The following NACC1 variants were observed in gnomAD, a reference collection of about 807,000 sequenced individuals.
NACC1 encodes nucleus accumbens-associated protein 1.
In NACC1, 6 loss-of-function variants were observed where a neutral mutation model predicts 41.7. The ratio of observed to expected loss-of-function variants is 0.14; its 90% CI spans 0.08 to 0.28. NACC1 has a LOEUF of 0.28. Ranked by LOEUF, NACC1 falls within the 10% of genes least tolerant of loss-of-function variation. The probability of loss-of-function intolerance (pLI) is 1.00; values close to 1 mark genes in which losing one functional copy is unlikely to be tolerated. For missense variants in NACC1, 434 were observed against 763.7 expected, an observed-to-expected ratio of 0.57 and a Z score of 5.09; for synonymous variants, 338 against 330.6, an observed-to-expected ratio of 1.02 and a Z score of -0.24.
intron 1 of NACC1, among the ~76,000 whole-genome samples, chr19:13,131,143 C>T (rs1568384373): frequency 1.3e-5 from 2 of 152,204 alleles, no homozygotes; most frequent in African/African-American, 4.8e-5. Flanking sequence ...CCTCACTAGA[C>T]AGCTCCACAT....
intron 1 of NACC1, among the ~76,000 whole-genome samples, chr19:13,120,380 G>T (rs2019473806): frequency 6.6e-6 from 1 of 152,214 alleles, no homozygotes; most frequent in African/African-American, 2.4e-5. Context: ...CTAATTGCAA[G>T]GCTGTTACCA....
At chr19:13,122,591 C>T (rs967287396) in intron 1 of NACC1, among the ~76,000 whole-genome samples, 1 of 148,588 alleles carries the variant, frequency 6.7e-6, no homozygotes, top group Admixed American at 6.9e-5. Context: ...CAACATCAGA[C>T]AGTGTGTAGG....
At position 13,138,259 on chromosome 19, in the gene NACC1, C is replaced by A. The variant is rs1297633831; in HGVS notation, c.1437C>A (p.Val479=). The change falls in exon 6 of 6, where the codon GTC becomes GTA. Residue 479 remains valine, a synonymous_variant. Coordinates refer to ENST00000292431, the MANE Select transcript of NACC1 (RefSeq NM_052876.4). This position sits in a 1 kb window ranked among gnomAD's most constrained non-coding sequence, Gnocchi z 5.7. ...RVVRKSWMPK[V]KVLKAEDDAY... ...TGCGCAAGAGCTGGATGCCCAAGGT[C>A]AAGGTGCTCAAGGCTGAGGATGACG... 1 of 1,614,224 alleles carries A rather than the reference C, an allele frequency of 6.2e-7. No homozygotes were observed. The highest frequency in any genetic ancestry group is 2.2e-5 in the East Asian group (1 of 44,884).
intron 1 of NACC1, among the ~76,000 whole-genome samples, chr19:13,121,187 TA>T (rs2145610140): frequency 6.6e-6 from 1 of 152,156 alleles, no homozygotes; most frequent in East Asian, 1.9e-4. Context: ...TAATGTTAGC[TA>T]AGGGGTGGGT....
intron 1 of NACC1, among the ~76,000 whole-genome samples, chr19:13,129,250 G>A (rs2019601135): frequency 1.3e-5 from 2 of 152,134 alleles, no homozygotes; most frequent in South Asian, 2.1e-4. Flanking sequence ...ACCATTAGGT[G>A]GTTTAGAGAC....
intron 1 of NACC1, among the ~76,000 whole-genome samples, chr19:13,121,178 AATG>A (rs2019486672): frequency 6.6e-6 from 1 of 152,134 alleles, no homozygotes; most frequent in Non-Finnish European, 1.5e-5. Flanking sequence ...TCTGAATAAT[AATG>A]TTAGCTAAGG....
At chr19:13,128,922 C>T (rs1051984390) in intron 1 of NACC1, among the ~76,000 whole-genome samples, 1 of 152,238 alleles carries the variant, frequency 6.6e-6, no homozygotes, top group Non-Finnish European at 1.5e-5. Flanking sequence ...CTGTGGCCTC[C>T]TGCCCTTGTC....
Position 13,138,205 on chromosome 19 carries a change from C to A in NACC1, c.1383C>A (p.Ala461=). The A allele has an allele frequency of 1.2e-6, 2 of 1,614,174 alleles. No individual in the cohort carries two copies. Among genetic ancestry groups the A allele is most frequent in the South Asian group, 1.1e-5 (1 of 91,084 alleles). ...AGAGCGAGATGAATGCCATCGCGGC[C>A]GACATGTGCACCAACGCCCGCCGCG... ...FKESEMNAIA[A]DMCTNARRVV... The change falls in exon 6 of 6, where the codon GCC becomes GCA. Residue 461 remains alanine (A), a synonymous_variant. Coordinates refer to ENST00000292431, the MANE Select transcript of NACC1 (RefSeq NM_052876.4). This position sits in a 1 kb window ranked among gnomAD's most constrained non-coding sequence, Gnocchi z 5.7.
chr19:13,121,006 C>T (rs1487659550), intron 1 of NACC1, among the ~76,000 whole-genome samples: 1 of 152,202 alleles, frequency 6.6e-6, no homozygotes, highest in African/African-American at 2.4e-5. Flanking sequence ...AGATCCAGAG[C>T]AGCTAGCTCT....
Position 13,136,285 on chromosome 19 carries a change from A to T in NACC1, c.1000A>T (p.Ile334Phe), listed in dbSNP as rs1330937800. 1.9e-6 allele frequency: 3 copies of T among 1,613,994 alleles called. No individual in the cohort carries two copies. The highest frequency in any genetic ancestry group is 2.5e-6 in the Non-Finnish European group (3 of 1,179,980). The change falls in exon 3 of 6, where the codon ATC becomes TTC. Residue 334 changes from isoleucine to phenylalanine, a missense_variant. By Grantham distance (21) the Ile-to-Phe change is conservative (BLOSUM62 0). Coordinates refer to ENST00000292431, the MANE Select transcript of NACC1 (RefSeq NM_052876.4). The surrounding 1 kb of genome is among the most constrained non-coding windows in gnomAD (Gnocchi z 5.5). ...GGTAGCCCCCGAGTCCCGAAATCGC[A>T]TCCGGGTTCGGCAAGACCTGGCGTC... Reference protein sequence around the residue: ...EQVAPESRNRIRVRQDLASLP... With the variant: ...EQVAPESRNRFRVRQDLASLP...
intron 1 of NACC1, chr19:13,132,403 T>A (rs1479980204): frequency 7.5e-6 from 1 of 134,060 alleles, no homozygotes; most frequent in East Asian, 2.1e-4. Context: ...AGCAAGACTC[T>A]GTCTTAAAAA....
In NACC1 at chr19:13,125,397, C is replaced by T. The variant is rs79518737; in HGVS notation, c.-9+6943C>T. Among the ~76,000 whole-genome samples, 516 of 147,486 alleles carry T rather than the reference C, an allele frequency of 3.5e-3. 3 individuals carry two copies. Among genetic ancestry groups the T allele is most frequent in the African/African-American group, 0.012 (464 of 39,944 alleles). ...GACAGAGCCCTCCTGACTGAATCAA[C>T]TCCCGAAGGCCCCACTTTTTTTTTT... On this transcript the variant is annotated intron_variant, in intron 1 of 5. Transcript: ENST00000292431.
intron 1 of NACC1, 30 bp downstream of exon 1, chr19:13,118,484 G>A (rs2019433441): frequency 6.6e-6 from 1 of 150,814 alleles, no homozygotes; most frequent in Admixed American, 6.6e-5. Context: ...GCCCGGTTCC[G>A]GCCTCCTCCA....
chr19:13,140,496 C>T lies in NACC1; in HGVS notation c.*2090C>T, dbSNP rs1437381101. ...TTGTCCTGGGTAGGCCCCTGCCTGC[C>T]CCTCTCTGCCTTTTCCTCGGGTGTC... On this transcript the variant is annotated 3_prime_UTR_variant, in exon 6 of 6. Transcript: ENST00000292431. This position sits in a 1 kb window ranked among gnomAD's most constrained non-coding sequence, Gnocchi z 4.0. 6.6e-6 allele frequency: 1 copy of T among 152,182 alleles called. No homozygotes were observed. Among genetic ancestry groups the T allele is most frequent in the African/African-American group, 2.4e-5 (1 of 41,416 alleles). The allele number at this position is 152,182 out of a possible 1,614,324, so 9.4% of individuals were successfully genotyped here.
chr19:13,137,277 A>G lies in NACC1; in HGVS notation c.1127A>G (p.Asn376Ser), dbSNP rs749960513. The G allele has an allele frequency of 2.5e-6, 4 of 1,613,504 alleles. No individual in the cohort carries two copies. The highest frequency in any genetic ancestry group is 1.7e-5 in the Admixed American group (1 of 60,018). Residue 376 changes from asparagine (N) to serine (S), a missense_variant, in exon 4 of 6, where the codon AAC (asparagine) becomes AGC (serine). By Grantham distance (46) the Asn-to-Ser change is conservative (BLOSUM62 1). Coordinates refer to ENST00000292431, the MANE Select transcript of NACC1 (RefSeq NM_052876.4). This position sits in a 1 kb window ranked among gnomAD's most constrained non-coding sequence, Gnocchi z 6.1. ...SEKLELVTGT[N>S]VYITRAQLMN... is the part of the protein sequence containing the mutation. ...TCCGGCTTCCTCTCACCAGGCACCAACGTGTACATCACAAGGGCGCAGCTG... is the reference window on the plus strand; with the variant it reads ...TCCGGCTTCCTCTCACCAGGCACCAGCGTGTACATCACAAGGGCGCAGCTG...
intron 1 of NACC1, among the ~76,000 whole-genome samples, chr19:13,130,074 G>A (rs1035171959): frequency 1.3e-5 from 2 of 151,968 alleles, no homozygotes; most frequent in African/African-American, 4.8e-5. Flanking sequence ...GTGGTTTTTT[G>A]TTTTTGCTTT....
rs1338296171 is a variant in NACC1, at chr19:13,140,040, T to G, written c.*1634T>G. 7 of 151,930 alleles carry G rather than the reference T, an allele frequency of 4.6e-5. No individual in the cohort carries two copies. Among genetic ancestry groups the G allele is most frequent in the Non-Finnish European group, 1.0e-4 (7 of 68,014 alleles). The allele number at this position is 151,930 out of a possible 1,614,324, so 9.4% of individuals were successfully genotyped here. A position where few individuals can be genotyped will look rare whatever the true frequency, so the allele number is the denominator to read the frequency against. On this transcript the variant is annotated 3_prime_UTR_variant, in exon 6 of 6. Coordinates refer to ENST00000292431, the MANE Select transcript of NACC1 (RefSeq NM_052876.4). This position sits in a 1 kb window ranked among gnomAD's most constrained non-coding sequence, Gnocchi z 4.0. ...CCTACTGGACCCTTGTAATCTGATT[T>G]GGAGACCATCCCCCCGATGGGACCA...
intron 1 of NACC1, chr19:13,131,807 T>C (rs2019637188): frequency 6.6e-6 from 1 of 152,172 alleles, no homozygotes; most frequent in Admixed American, 6.5e-5. Flanking sequence ...CTTACCACTT[T>C]TTGCATGTAA....
intron 1 of NACC1, among the ~76,000 whole-genome samples, chr19:13,125,940 T>C (rs1265275487): frequency 6.6e-6 from 1 of 151,782 alleles, no homozygotes. Flanking sequence ...TTTCACCATA[T>C]TGGCCAGGCT....
Sources: gnomAD v4.1 joint callset for allele counts (sites outside exome capture counted in the v4.1 genomes callset) on GRCh38, gnomAD v4.1.1 for gene constraint, Gnocchi (gnomAD v3.1) non-coding constraint, MANE v1.5 for transcripts, NCBI Gene and HGNC (gene_info 2026-07-23, HGNC 2026-07-21) for gene names.